Variants in NUCB1 observed in about 807,000 individuals in gnomAD.
NUCB1 encodes the protein nucleobindin 1.
A neutral mutation model predicts 61.2 loss-of-function variants in NUCB1; 47 were observed. The observed-to-expected ratio is 0.77, with a 90% CI of 0.61 to 0.98. The LOEUF (loss-of-function observed/expected upper bound fraction) is 0.98, where lower values mean the gene tolerates loss of function less well. Among genes scored for constraint, NUCB1 ranks in the 50% least tolerant of loss-of-function variants. NUCB1 has a pLI of 0.00. For synonymous variants in NUCB1, 234 were observed against 243.1 expected, an observed-to-expected ratio of 0.96 and a Z score of 0.35; for missense variants, 583 against 605.3, an observed-to-expected ratio of 0.96 and a Z score of 0.39.
chr19:48,912,704 C>T (rs1326950655), intron 5 of NUCB1, among the ~76,000 whole-genome samples: 2 of 148,270 alleles, frequency 1.3e-5, no homozygotes, highest in East Asian at 3.9e-4. Flanking sequence ...GGCCTGGTGA[C>T]ACATGCCTAT....
At chr19:48,918,663 C>A in intron 7 of NUCB1, 63 bp from the exon 8 acceptor site, 2 of 1,417,324 alleles carry the variant, frequency 1.4e-6, no homozygotes, top group Non-Finnish European at 2.0e-6. Context: ...AATTTCTTCA[C>A]CAGGGACCTT....
intron 10 of NUCB1, among the ~76,000 whole-genome samples, chr19:48,919,610 T>A (rs1339797256): frequency 1.3e-5 from 2 of 151,746 alleles, no homozygotes; most frequent in Non-Finnish European, 2.9e-5. Context: ...CTTGAGTAGC[T>A]GGGATTATAG....
At chr19:48,908,507 G>A (rs972764514) in intron 4 of NUCB1, among the ~76,000 whole-genome samples, 5 of 152,104 alleles carry the variant, frequency 3.3e-5, no homozygotes, top group African/African-American at 4.8e-5. Flanking sequence ...CTGGAATAGC[G>A]GCTCAACACA....
chr19:48,905,672 G>A (rs1296807133), intron 3 of NUCB1, 81 bp from the exon 4 acceptor site: 6 of 1,537,296 alleles, frequency 3.9e-6, no homozygotes, highest in Non-Finnish European at 5.4e-6. Context: ...ATAAGACTGG[G>A]GCATGAGAAA....
At position 48,906,979 on chromosome 19, in the gene NUCB1, C is replaced by CTT. The variant is rs34650330; in HGVS notation, c.376+1106_376+1107dup. Among the ~76,000 whole-genome samples the CTT allele has an allele frequency of 3.3e-3, 483 of 144,326 alleles. 3 individuals are homozygous for CTT. Among genetic ancestry groups the CTT allele is most frequent in the African/African-American group, 0.011 (437 of 39,028 alleles). The allele number at this position is 144,326 out of a possible 152,430, so 94.7% of individuals were successfully genotyped here. On this transcript the variant is annotated intron_variant, in intron 4 of 12. Coordinates refer to ENST00000405315, the MANE Select transcript of NUCB1 (RefSeq NM_006184.6). Reference sequence around the variant, plus strand: ...TTTTCCTTGCTCAGCTAATATCTTTCTTTTTTTTTTTTTGAGACAGAGTCT... The same window carrying CTT: ...TTTTCCTTGCTCAGCTAATATCTTTCTTTTTTTTTTTTTTTGAGACAGAGTCT...
chr19:48,916,062 C>G (rs536333004), intron 7 of NUCB1, among the ~76,000 whole-genome samples: 13 of 152,262 alleles, frequency 8.5e-5, no homozygotes, highest in South Asian at 4.1e-4. Flanking sequence ...TTAAACCACT[C>G]GCCCTCCCCT....
At chr19:48,919,761 A>AT (rs869087543) in intron 10 of NUCB1, among the ~76,000 whole-genome samples, 6,182 of 80,994 alleles carry the variant, frequency 0.076, 306 homozygotes, top group African/African-American at 0.13. Flanking sequence ...TAGAGGTGTG[A>AT]TTTTTTTTTT....
chr19:48,918,924 T>A, intron 8 of NUCB1, 106 bp from the exon 9 acceptor site: 1 of 1,351,924 alleles, frequency 7.4e-7, no homozygotes. Flanking sequence ...CAAAAACGGC[T>A]CCCAGGAGTG....
intron 2 of NUCB1, among the ~76,000 whole-genome samples, chr19:48,903,834 A>ATGGATGGGCAGGTGGG (rs2037381312): frequency 3.5e-5 from 4 of 113,432 alleles, no homozygotes; most frequent in Non-Finnish European, 7.2e-5. Flanking sequence ...GGGCAGGTGG[A>ATGGATGGGCAGGTGGG]TGAGTGGATG....
At chr19:48,904,500 G>A in intron 3 of NUCB1, 46 bp downstream of exon 3, 1 of 1,239,278 alleles carries the variant, frequency 8.1e-7, no homozygotes, top group South Asian at 1.2e-5. Flanking sequence ...CGTGCTGGGA[G>A]GGCAGAGTTC....
intron 2 of NUCB1, among the ~76,000 whole-genome samples, chr19:48,903,770 G>GTGGATGGA (rs1198040150): frequency 7.6e-6 from 1 of 132,078 alleles, no homozygotes; most frequent in Non-Finnish European, 1.6e-5. Flanking sequence ...GGGTGGATGA[G>GTGGATGGA]TGGATGGATG....
chr19:48,909,188 C>CT (rs1431494052), intron 4 of NUCB1, among the ~76,000 whole-genome samples: 1 of 151,762 alleles, frequency 6.6e-6, no homozygotes, highest in Non-Finnish European at 1.5e-5. Flanking sequence ...TCTTTCCTCT[C>CT]TGTGTGCCTG....
chr19:48,918,471 A>T (rs2287833), intron 7 of NUCB1: 277,219 of 475,398 alleles, frequency 0.58, 86,643 homozygotes, highest in South Asian at 0.72. Flanking sequence ...ATCCTGCATG[A>T]CAGTGACCCA....
chr19:48,909,527 G>A (rs1182671084), intron 4 of NUCB1, among the ~76,000 whole-genome samples: 1 of 151,778 alleles, frequency 6.6e-6, no homozygotes, highest in East Asian at 1.9e-4. Flanking sequence ...GATTACAGGT[G>A]TGAGCCACCG....
At position 48,921,179 on chromosome 19, in the gene NUCB1, C is replaced by A; in HGVS notation, c.1028C>A (p.Thr343Asn). Residue 343 changes from threonine to asparagine, a missense_variant, in exon 11 of 13, where the codon ACC (threonine) becomes AAC (asparagine). Physicochemically the swap from Thr to Asn is moderately conservative, Grantham distance 65. Coordinates refer to ENST00000405315, the MANE Select transcript of NUCB1 (RefSeq NM_006184.6). ...ACAGTGGAGATGCACCCTGCCTACA[C>A]CGAGGAAGAGCTGAGGCGCTTTGAA... ...WETVEMHPAY[T>N]EEELRRFEEE... 6.2e-7 allele frequency: 1 copy of A among 1,612,462 alleles called. No individual in the cohort carries two copies. The highest frequency in any genetic ancestry group is 8.5e-7 in the Non-Finnish European group (1 of 1,179,252).
rs1249566484 is a variant in NUCB1 at position 48,911,226 on chromosome 19, C to T, written c.454C>T (p.Arg152Cys). 2.5e-6 allele frequency: 4 copies of T among 1,613,530 alleles called. No individual in the cohort carries two copies. Among genetic ancestry groups the T allele is most frequent in the East Asian group, 4.5e-5 (2 of 44,864 alleles). ...TCAGAACCAGCATACATTCGAGGCC[C>T]GCGACCTGGAGCTGCTGATCCAGAC... Reference protein sequence around the residue: ...DPQNQHTFEARDLELLIQTAT... With the variant: ...DPQNQHTFEACDLELLIQTAT... The change falls in exon 5 of 13, where the codon CGC becomes TGC. Residue 152 changes from arginine to cysteine, a missense_variant. Transcript: ENST00000405315.
intron 7 of NUCB1, among the ~76,000 whole-genome samples, chr19:48,915,965 G>C (rs998229338): frequency 6.6e-6 from 1 of 151,920 alleles, no homozygotes; most frequent in Non-Finnish European, 1.5e-5. Context: ...ATGTTTAATT[G>C]TACAGTTCAA....
At position 48,904,445 on chromosome 19, in the gene NUCB1, G is replaced by A. The variant is rs762061317; in HGVS notation, c.234G>A (p.Glu78=). The change falls in exon 3 of 13, where the codon GAG becomes GAA. Residue 78 remains glutamate (E), a synonymous_variant. Transcript: ENST00000405315. The stretch of plus-strand genomic sequence containing the variant: ...AGAAGCTGCAGGCTGCCAATGCGGA[G>A]GACATCAAGGTGCGGCTGGGGGAGT... ...FREKLQAANA[E]DIKSGKLSRE... is the part of the protein sequence containing the mutation. 4.7e-5 allele frequency: 76 copies of A among 1,611,654 alleles called. No individual in the cohort carries two copies. The highest frequency in any genetic ancestry group is 6.2e-5 in the Non-Finnish European group (73 of 1,178,544).
In NUCB1 at chr19:48,901,037, A is replaced by G. The variant is rs559821968; in HGVS notation, c.135+106A>G. Reference sequence around the variant, plus strand: ...GATGCTCCAGTGACTTCCTGGCCCTACAGTTGTAGCTTGTTTTTTGCCCAC... The same window carrying G: ...GATGCTCCAGTGACTTCCTGGCCCTGCAGTTGTAGCTTGTTTTTTGCCCAC... On this transcript the variant is annotated intron_variant, in intron 2 of 12. Transcript: ENST00000405315. The G allele has an allele frequency of 2.2e-6, 3 of 1,359,774 alleles. No individual in the cohort carries two copies. In the African/African-American group the frequency reaches 4.3e-5, roughly 19 times the overall value. 84.2% of individuals were successfully genotyped at this position (1,359,774 alleles called of 1,614,324 possible).
Sources: allele counts gnomAD v4.1 joint callset (sites outside exome capture counted in the v4.1 genomes callset), GRCh38; gene constraint gnomAD v4.1.1; transcripts MANE v1.5; gene names NCBI Gene and HGNC (gene_info 2026-07-23, HGNC 2026-07-21).